Variants in RIMS1 observed in about 807,000 individuals in gnomAD.
RIMS1 encodes regulating synaptic membrane exocytosis protein 1.
Under a neutral mutation model 214.1 loss-of-function variants are expected in RIMS1, and 83 were observed. The observed-to-expected ratio is 0.39, with a 90% CI of 0.32 to 0.47. The LOEUF is 0.47. Among genes scored for constraint, RIMS1 ranks in the 20% least tolerant of loss-of-function variants. RIMS1 has a pLI of 0.99. For synonymous variants in RIMS1, 793 were observed against 786.8 expected (o/e 1.01, Z -0.13); for missense variants, 2,050 against 2,161.8 (o/e 0.95, Z 1.03).
intron 2 of RIMS1, among the ~76,000 whole-genome samples, chr6:72,077,219 A>T (rs1832137745): frequency 6.6e-6 from 1 of 152,138 alleles, no homozygotes; most frequent in African/African-American, 2.4e-5. Flanking sequence ...TCCTACCCCT[A>T]GCCAGGGGCG....
intron 4 of RIMS1, among the ~76,000 whole-genome samples, chr6:72,155,398 A>C (rs112650912): frequency 0.016 from 2,236 of 138,748 alleles, 431 homozygotes; most frequent in Non-Finnish European, 0.024. Context: ...ACTGTTCCAA[A>C]CTCTTCCTGT....
chr6:72,044,379 T>C (rs1404572607), intron 2 of RIMS1, among the ~76,000 whole-genome samples: 1 of 151,872 alleles, frequency 6.6e-6, no homozygotes, highest in African/African-American at 2.4e-5. Context: ...AGGAAAAAAT[T>C]GATAAATTGT....
chr6:71,982,690 C>T (rs761568627), intron 2 of RIMS1, among the ~76,000 whole-genome samples: 21 of 152,128 alleles, frequency 1.4e-4, no homozygotes, highest in Non-Finnish European at 2.4e-4. Context: ...TGAATCGTCT[C>T]ACATCTGTTC....
intron 2 of RIMS1, among the ~76,000 whole-genome samples, chr6:72,091,769 TG>T (rs1836295088): frequency 6.6e-6 from 1 of 152,202 alleles, no homozygotes; most frequent in African/African-American, 2.4e-5. Context: ...GATAGCATTG[TG>T]TATTTTACAA....
rs75290270 is a variant in RIMS1, at chr6:72,370,814, A to G, written c.4367-19784A>G. Among the ~76,000 whole-genome samples, 1,099 of 152,312 alleles carry G rather than the reference A, an allele frequency of 7.2e-3. 14 individuals are homozygous for G. The highest frequency in any genetic ancestry group is 0.025 in the African/African-American group (1,050 of 41,560). ...AGAGTACAAATAAAGAGAATAAAGT[A>G]GAGAAGAAAAGGGAGGAAAGGAACT... On this transcript the variant is annotated intron_variant, in intron 29 of 33. Coordinates refer to ENST00000521978, the MANE Select transcript of RIMS1 (RefSeq NM_014989.7).
rs188550843 is a variant in RIMS1 at position 72,320,406 on chromosome 6, G to A, written c.4130+6734G>A. Among the ~76,000 whole-genome samples the A allele has an allele frequency of 1.5e-4, 23 of 152,196 alleles. No homozygotes were observed. The East Asian group carries it at 4.2e-3, about 28-fold the overall frequency. ...AGTTTATTTTTAAAAAGGAAGCCAG[G>A]CACTGCTGCTTTAAAAACATATTGT... On this transcript the variant is annotated intron_variant, in intron 28 of 33. Coordinates refer to ENST00000521978, the MANE Select transcript of RIMS1 (RefSeq NM_014989.7).
intron 29 of RIMS1, among the ~76,000 whole-genome samples, chr6:72,364,931 T>C (rs145718498): frequency 1.4e-3 from 220 of 152,300 alleles, no homozygotes; most frequent in African/African-American, 4.2e-3. Context: ...ACTACACAAT[T>C]GGAAGGAACC....
At chr6:72,390,927 C>T in intron 30 of RIMS1, 191 bp downstream of exon 30, 2 of 496,098 alleles carry the variant, frequency 4.0e-6, no homozygotes, top group Admixed American at 3.7e-5. Context: ...GTCATTCATA[C>T]CTTTCAAAGG....
At chr6:72,197,771 A>T (rs2051237320) in intron 6 of RIMS1, among the ~76,000 whole-genome samples, 1 of 152,112 alleles carries the variant, frequency 6.6e-6, no homozygotes, top group South Asian at 2.1e-4. Flanking sequence ...TTTTGAAACT[A>T]CAAAGAGGCA....
At position 72,301,646 on chromosome 6, in the gene RIMS1, G is replaced by T. The variant is rs928901523; in HGVS notation, c.3851-5612G>T. On this transcript the variant is annotated intron_variant, in intron 26 of 33. Coordinates refer to ENST00000521978, the MANE Select transcript of RIMS1 (RefSeq NM_014989.7). Reference sequence around the variant, plus strand: ...TAATAATACGAAAGGGATAGATTTAGAAAAATGCATATAGGCACTATTTAC... The same window carrying T: ...TAATAATACGAAAGGGATAGATTTATAAAAATGCATATAGGCACTATTTAC... Among the ~76,000 whole-genome samples, 10 of 151,478 alleles carry T rather than the reference G, an allele frequency of 6.6e-5. No individual in the cohort carries two copies. The East Asian group carries it at 1.7e-3, about 26-fold the overall frequency.
chr6:72,062,198 A>G (rs1828041584), intron 2 of RIMS1, among the ~76,000 whole-genome samples: 1 of 152,210 alleles, frequency 6.6e-6, no homozygotes, highest in Admixed American at 6.5e-5. Flanking sequence ...AAAAGGAGTC[A>G]TGAGGCAACT....
chr6:72,298,936 A>G (rs1001425045), intron 26 of RIMS1, among the ~76,000 whole-genome samples: 4 of 152,010 alleles, frequency 2.6e-5, no homozygotes, highest in Non-Finnish European at 5.9e-5. Flanking sequence ...ATAAATGTTC[A>G]TAGTACTTTG....
intron 6 of RIMS1, among the ~76,000 whole-genome samples, chr6:72,186,331 G>A (rs2049091422): frequency 6.6e-6 from 1 of 152,186 alleles, no homozygotes; most frequent in Admixed American, 6.5e-5. Flanking sequence ...GTGATGGTCT[G>A]AATTTTCACT....
chr6:72,075,966 T>C (rs1377534244), intron 2 of RIMS1, among the ~76,000 whole-genome samples: 2 of 152,248 alleles, frequency 1.3e-5, no homozygotes, highest in Non-Finnish European at 2.9e-5. Context: ...AAATTCTCTA[T>C]GAGTAAATAT....
intron 1 of RIMS1, among the ~76,000 whole-genome samples, chr6:71,928,190 G>C (rs367928577): frequency 6.6e-6 from 1 of 151,930 alleles, no homozygotes; most frequent in Admixed American, 6.6e-5. Context: ...GTATTTATAC[G>C]TACATCTTTG....
chr6:71,964,598 A>C (rs1457723812), intron 1 of RIMS1, among the ~76,000 whole-genome samples: 4 of 152,184 alleles, frequency 2.6e-5, no homozygotes, highest in Non-Finnish European at 5.9e-5. Flanking sequence ...CAAGGAGTCA[A>C]GTCTAAAGAT....
At chr6:72,238,333 A>G (rs2154100955) in intron 9 of RIMS1, among the ~76,000 whole-genome samples, 1 of 152,106 alleles carries the variant, frequency 6.6e-6, no homozygotes, top group East Asian at 1.9e-4. Context: ...GTAATTACCA[A>G]ATTTTTTTCA....
chr6:72,180,341 A>C (rs2048244576), intron 5 of RIMS1, among the ~76,000 whole-genome samples: 2 of 152,234 alleles, frequency 1.3e-5, no homozygotes, highest in Admixed American at 6.5e-5. Context: ...TGAGCTCTAA[A>C]GAGTGACTTT....
Position 72,128,024 on chromosome 6 carries a change from T to C in RIMS1, c.471+28038T>C, listed in dbSNP as rs376783380. ...TGATAACTAATGTATGTCAGGGAAT[T>C]GGCTTTGTCCAAAGGGAAAATAAGC... On this transcript the variant is annotated intron_variant, in intron 4 of 33. Transcript: ENST00000521978. 7.9e-4 allele frequency among the ~76,000 whole-genome samples: 120 copies of C among 152,246 alleles called. 3 individuals carry two copies. In the South Asian group the frequency reaches 0.025, roughly 31 times the overall value.
Sources: allele counts gnomAD v4.1 joint callset (sites outside exome capture counted in the v4.1 genomes callset), GRCh38; gene constraint gnomAD v4.1.1; transcripts MANE v1.5; gene names NCBI Gene and HGNC (gene_info 2026-07-23, HGNC 2026-07-21).